SOX17: variants seen among roughly 807,000 people sequenced by gnomAD.
The protein encoded by SOX17 is transcription factor SOX-17.
SOX17 carries 4 observed loss-of-function variants against 16.0 expected under a neutral mutation model. The observed-to-expected ratio is 0.25, with a 90% CI of 0.12 to 0.57. SOX17 has a LOEUF of 0.57. Ranked by LOEUF, SOX17 falls within the 20% of genes least tolerant of loss-of-function variation. The probability of loss-of-function intolerance (pLI) is 0.92; values close to 1 mark genes in which losing one functional copy is unlikely to be tolerated. For missense variants in SOX17, 633 were observed against 609.7 expected (o/e 1.04, Z -0.40); for synonymous variants, 357 against 284.6 (o/e 1.25, Z -2.56).
chr8:54,458,924 T>C, intron 1 of SOX17, 134 bp from the exon 2 acceptor site: 1 of 766,494 alleles, frequency 1.3e-6, no homozygotes, highest in Non-Finnish European at 2.0e-6. Flanking sequence ...CAGATCTCCC[T>C]CTTTAACTTC....
chr8:54,460,770 G>C lies in SOX17; in HGVS notation c.*775G>C. The C allele has an allele frequency of 4.4e-6, 1 of 227,848 alleles. No individual in the cohort carries two copies. The highest frequency in any genetic ancestry group is 8.7e-6 in the Non-Finnish European group (1 of 114,758). The allele number at this position is 227,848 out of a possible 1,614,324, so 14.1% of individuals were successfully genotyped here. On this transcript the variant is annotated 3_prime_UTR_variant, in exon 2 of 2. Coordinates refer to ENST00000297316, the MANE Select transcript of SOX17 (RefSeq NM_022454.4). ...GTTTTGCCATCTCTTTACACTCCTC[G>C]ACATTCAGTTTACCTTAATCTTCAC...
At chr8:54,459,028 G>A (rs1804685784) in intron 1 of SOX17, 30 bp from the exon 2 acceptor site, 2 of 1,556,466 alleles carry the variant, frequency 1.3e-6, no homozygotes, top group Non-Finnish European at 1.7e-6. Context: ...TAAGCCCTGC[G>A]CCCCTCTCCC....
rs770677973 is a variant in SOX17 at position 54,459,404 on chromosome 8, G to A, written c.654G>A (p.Pro218=). The A allele has an allele frequency of 1.7e-5, 27 of 1,548,474 alleles. No homozygotes were observed. The Middle Eastern group carries it at 6.7e-4, about 39-fold the overall frequency. ...GCGCGCCTCCGCTCGACGGCTACCC[G>A]TTGCCCACGCCCGACACGTCCCCGC... ...SLGAPPLDGY[P]LPTPDTSPLD... is the part of the protein sequence containing the mutation. Residue 218 remains proline (P), a synonymous_variant, in exon 2 of 2, where the codon CCG becomes CCA. Transcript: ENST00000297316.
At position 54,459,580 on chromosome 8, in the gene SOX17, A is replaced by G. The variant is rs1370008204; in HGVS notation, c.830A>G (p.Glu277Gly). Residue 277 changes from glutamate (E) to glycine (G), a missense_variant, in exon 2 of 2, where the codon GAG (glutamate) becomes GGG (glycine). Coordinates refer to ENST00000297316, the MANE Select transcript of SOX17 (RefSeq NM_022454.4). ...CCCATGCACCCCCGACTCGGCCCAG[A>G]GCCCGCGGGTCCCTCGATTCCGGGC... ...AGPMHPRLGPEPAGPSIPGLL... is the reference protein window; with the variant it reads ...AGPMHPRLGPGPAGPSIPGLL... 1.3e-6 allele frequency: 2 copies of G among 1,539,092 alleles called. No homozygotes were observed. The highest frequency in any genetic ancestry group is 2.4e-5 in the South Asian group (2 of 84,216).
intron 1 of SOX17, among the ~76,000 whole-genome samples, chr8:54,458,774 A>C (rs1804679496): frequency 6.6e-6 from 1 of 151,942 alleles, no homozygotes; most frequent in Non-Finnish European, 1.5e-5. Context: ...CCATCCCTCG[A>C]CCCCTTCCCT....
At position 54,458,206 on chromosome 8, in the gene SOX17, T is replaced by G. The variant is rs778617535; in HGVS notation, c.68T>G (p.Val23Gly). The stretch of plus-strand genomic sequence containing the variant: ...CAGACCCAGAGCGCGCTGCCCGCGG[T>G]GATGGCCGGGCTGGGCCCCTGCCCC... ...QSQTQSALPA[V>G]MAGLGPCPWA... is the part of the protein sequence containing the mutation. Residue 23 changes from valine (V) to glycine (G), a missense_variant, in exon 1 of 2, where the codon GTG becomes GGG. Around this residue, in one of 5 missense-constraint regions of SOX17, gnomAD observed 94 missense variants for 98.7 expected, o/e 0.95. Coordinates refer to ENST00000297316, the MANE Select transcript of SOX17 (RefSeq NM_022454.4). 6.3e-7 allele frequency: 1 copy of G among 1,593,290 alleles called. No individual in the cohort carries two copies. The highest frequency in any genetic ancestry group is 1.1e-5 in the South Asian group (1 of 88,928).
rs886988771 is a variant in SOX17, at chr8:54,460,008, C to G, written c.*13C>G. On this transcript the variant is annotated 3_prime_UTR_variant, in exon 2 of 2. Coordinates refer to ENST00000297316, the MANE Select transcript of SOX17 (RefSeq NM_022454.4). The stretch of plus-strand genomic sequence containing the variant: ...TCCTGACGTGTGACAGGTCCCTGAT[C>G]CGCCCCAGCCTGCAGGCCAGAAGCA... 1 of 1,613,310 alleles carries G rather than the reference C, an allele frequency of 6.2e-7. No homozygotes were observed. The highest frequency in any genetic ancestry group is 1.3e-5 in the African/African-American group (1 of 75,062).
chr8:54,459,040 C>G lies in SOX17; in HGVS notation c.308-18C>G, dbSNP rs766753200. The G allele has an allele frequency of 1.9e-6, 3 of 1,584,202 alleles. No homozygotes were observed. Among genetic ancestry groups the G allele is most frequent in the African/African-American group, 2.7e-5 (2 of 73,064 alleles). ...CGATAAGCCCTGCGCCCCTCTCCCCCTTCCTTCCACTGTGCAGGCAAGTCG... is the reference window on the plus strand; with the variant it reads ...CGATAAGCCCTGCGCCCCTCTCCCCGTTCCTTCCACTGTGCAGGCAAGTCG... On this transcript the variant is annotated intron_variant, in intron 1 of 1. Coordinates refer to ENST00000297316, the MANE Select transcript of SOX17 (RefSeq NM_022454.4).
rs1411996121 is a variant in SOX17, at chr8:54,458,091, G to A, written c.-48G>A. On this transcript the variant is annotated 5_prime_UTR_variant, in exon 1 of 2. Transcript: ENST00000297316. The stretch of plus-strand genomic sequence containing the variant: ...CCCCCTCCCCCGGGTCGGGGGAGGC[G>A]GCGCGTCCGGCGGAGGGTTGAGGGG... 2 of 1,433,394 alleles carry A rather than the reference G, an allele frequency of 1.4e-6. No individual in the cohort carries two copies. The highest frequency in any genetic ancestry group is 3.0e-5 in the South Asian group (2 of 67,100). The allele number at this position is 1,433,394 out of a possible 1,614,324, so 88.8% of individuals were successfully genotyped here.
Position 54,459,497 on chromosome 8 carries a change from C to T in SOX17, c.747C>T (p.Gly249=), listed in dbSNP as rs942362035. Reference sequence around the variant, plus strand: ...TGCCCGGGGACTGCCCGGCGGCCGGCACCTACAGCTACGCGCAGGTCTCGG... The same window carrying T: ...TGCCCGGGGACTGCCCGGCGGCCGGTACCTACAGCTACGCGCAGGTCTCGG... ...APMPGDCPAA[G]TYSYAQVSDY... is the part of the protein sequence containing the mutation. The change falls in exon 2 of 2, where the codon GGC becomes GGT. Residue 249 remains glycine, a synonymous_variant. Coordinates refer to ENST00000297316, the MANE Select transcript of SOX17 (RefSeq NM_022454.4). 1.3e-6 allele frequency: 2 copies of T among 1,526,168 alleles called. No individual in the cohort carries two copies. The highest frequency in any genetic ancestry group is 1.4e-5 in the African/African-American group (1 of 71,370). 94.5% of individuals were successfully genotyped at this position (1,526,168 alleles called of 1,614,324 possible). A position where few individuals can be genotyped will look rare whatever the true frequency, so the allele number is the denominator to read the frequency against.
Position 54,459,455 on chromosome 8 carries a change from T to C in SOX17, c.705T>C (p.Ala235=), listed in dbSNP as rs556983112. The C allele has an allele frequency of 9.9e-6, 15 of 1,522,462 alleles. No individual in the cohort carries two copies. In the South Asian group the frequency reaches 1.8e-4, roughly 18 times the overall value. 94.3% of individuals were successfully genotyped at this position (1,522,462 alleles called of 1,614,324 possible). A position where few individuals can be genotyped will look rare whatever the true frequency, so the allele number is the denominator to read the frequency against. Residue 235 remains alanine, a synonymous_variant, in exon 2 of 2, where the codon GCT becomes GCC. Coordinates refer to ENST00000297316, the MANE Select transcript of SOX17 (RefSeq NM_022454.4). ...SPLDGVDPDP[A]FFAAPMPGDC... ...TGGACGGCGTGGACCCCGACCCGGCTTTCTTCGCCGCCCCGATGCCCGGGG... is the reference window on the plus strand; with the variant it reads ...TGGACGGCGTGGACCCCGACCCGGCCTTCTTCGCCGCCCCGATGCCCGGGG...
Position 54,460,075 on chromosome 8 carries a change from TC to T in SOX17, c.*82del. The T allele has an allele frequency of 2.0e-6, 3 of 1,470,394 alleles. No homozygotes were observed. In the South Asian group the frequency reaches 3.4e-5, roughly 17 times the overall value. The allele number at this position is 1,470,394 out of a possible 1,614,324, so 91.1% of individuals were successfully genotyped here. ...GGAGGAGCTAAGGAAATCCTCAGACTCCTGGGTTTTTGTTGTTGCTGTTGTT... is the reference window on the plus strand; with the variant it reads ...GGAGGAGCTAAGGAAATCCTCAGACTCTGGGTTTTTGTTGTTGCTGTTGTT... On this transcript the variant is annotated 3_prime_UTR_variant, in exon 2 of 2. Transcript: ENST00000297316.
In SOX17 at chr8:54,460,563, AAG is replaced by A. The variant is rs1428126604; in HGVS notation, c.*570_*571del. ...GATGTAATTGTTTCAGGAAGGAAAA[AAG>A]AAAAGCATTCTGGAATGAGCCTACT... On this transcript the variant is annotated 3_prime_UTR_variant, in exon 2 of 2. Transcript: ENST00000297316. 4.3e-6 allele frequency: 1 copy of A among 234,700 alleles called. No homozygotes were observed. The highest frequency in any genetic ancestry group is 8.4e-6 in the Non-Finnish European group (1 of 119,164). The allele number at this position is 234,700 out of a possible 1,614,324, so 14.5% of individuals were successfully genotyped here.
In SOX17 at chr8:54,459,804, G is replaced by C. The variant is rs1193005049; in HGVS notation, c.1054G>C (p.Ala352Pro). The part of the protein sequence containing the change: ...CRDGTDPSQP[A>P]ELLGEVDRTE... Reference sequence around the variant, plus strand: ...GGACGGCACGGACCCCAGTCAGCCCGCCGAGCTCCTCGGGGAGGTGGACCG... The same window carrying C: ...GGACGGCACGGACCCCAGTCAGCCCCCCGAGCTCCTCGGGGAGGTGGACCG... Residue 352 changes from alanine to proline, a missense_variant, in exon 2 of 2, where the codon GCC becomes CCC. This residue lies in a region of SOX17 where 479 missense variants were observed against 397.2 expected (regional missense o/e 1.21). Transcript: ENST00000297316. 1.1e-5 allele frequency: 17 copies of C among 1,610,866 alleles called. No homozygotes were observed. The highest frequency in any genetic ancestry group is 1.4e-5 in the Non-Finnish European group (17 of 1,179,120).
In SOX17 at chr8:54,459,794, C is replaced by T. The variant is rs1157951018; in HGVS notation, c.1044C>T (p.Pro348=). ...EALPCRDGTD[P]SQPAELLGEV... ...TGCCCTGCCGGGACGGCACGGACCC[C>T]AGTCAGCCCGCCGAGCTCCTCGGGG... The change falls in exon 2 of 2, where the codon CCC becomes CCT. Residue 348 remains proline, a synonymous_variant. Coordinates refer to ENST00000297316, the MANE Select transcript of SOX17 (RefSeq NM_022454.4). The T allele has an allele frequency of 6.2e-7, 1 of 1,607,846 alleles. No individual in the cohort carries two copies. The highest frequency in any genetic ancestry group is 8.5e-7 in the Non-Finnish European group (1 of 1,177,854).
Position 54,460,413 on chromosome 8 carries a change from A to G in SOX17, c.*418A>G, listed in dbSNP as rs1804723345. The G allele has an allele frequency of 3.4e-6, 1 of 298,246 alleles. No individual in the cohort carries two copies. The allele number at this position is 298,246 out of a possible 1,614,324, so 18.5% of individuals were successfully genotyped here. On this transcript the variant is annotated 3_prime_UTR_variant, in exon 2 of 2. Transcript: ENST00000297316. Reference sequence around the variant, plus strand: ...GTACCTCTGTCACACTAGTCTTATCAAAAACCAGTTCTTAAGATCAATGTT... The same window carrying G: ...GTACCTCTGTCACACTAGTCTTATCGAAAACCAGTTCTTAAGATCAATGTT...
chr8:54,458,571 C>A, intron 1 of SOX17, 126 bp downstream of exon 1: 4 of 1,192,902 alleles, frequency 3.4e-6, no homozygotes, highest in Non-Finnish European at 4.7e-6. Flanking sequence ...GCGGCCACGT[C>A]CTTTCTTAAG....
chr8:54,460,039 A>T lies in SOX17; in HGVS notation c.*44A>T. ...CAGCCTGCAGGCCAGAAGCAGTGTTACACACTTCCTGGAGGAGCTAAGGAA... is the reference window on the plus strand; with the variant it reads ...CAGCCTGCAGGCCAGAAGCAGTGTTTCACACTTCCTGGAGGAGCTAAGGAA... On this transcript the variant is annotated 3_prime_UTR_variant, in exon 2 of 2. Coordinates refer to ENST00000297316, the MANE Select transcript of SOX17 (RefSeq NM_022454.4). The T allele has an allele frequency of 6.3e-7, 1 of 1,599,766 alleles. No individual in the cohort carries two copies.
In SOX17 at chr8:54,458,326, A is replaced by G. The variant is rs754603226; in HGVS notation, c.188A>G (p.Lys63Arg). ...CCGGCCGGGGCCGCGGGCCGAGCCA[A>G]GGGCGAGTCCCGTATCCGGCGGCCG... is the stretch of plus-strand genomic sequence containing the variant. ...GAPAGAAGRA[K>R]GESRIRRPMN... Residue 63 changes from lysine (K) to arginine (R), a missense_variant, in exon 1 of 2, where the codon AAG (lysine) becomes AGG (arginine). Around this residue, in one of 5 missense-constraint regions of SOX17, gnomAD observed 94 missense variants for 98.7 expected, o/e 0.95. Transcript: ENST00000297316. 6.2e-7 allele frequency: 1 copy of G among 1,612,208 alleles called. No individual in the cohort carries two copies. The highest frequency in any genetic ancestry group is 8.5e-7 in the Non-Finnish European group (1 of 1,179,756).
Sources: gnomAD v4.1 joint callset for allele counts (sites outside exome capture counted in the v4.1 genomes callset) on GRCh38, gnomAD v4.1.1 for gene constraint, gnomAD v4.1.1 regional missense constraint, MANE v1.5 for transcripts, NCBI Gene and HGNC (gene_info 2026-07-23, HGNC 2026-07-21) for gene names.